EFCAB6: variants seen among roughly 807,000 people sequenced by gnomAD.
The protein encoded by EFCAB6 is EF-hand calcium binding domain 6.
EFCAB6 carries 156 observed loss-of-function variants against 169.8 expected under a neutral mutation model. The observed-to-expected ratio is 0.92, with a 90% confidence interval of 0.81 to 1.05. The LOEUF (loss-of-function observed/expected upper bound fraction) is 1.05. Ranked by LOEUF, EFCAB6 falls within the 50% of genes least tolerant of loss-of-function variation. The probability of loss-of-function intolerance (pLI) is 0.00; values close to 1 mark genes in which losing one functional copy is unlikely to be tolerated. For synonymous variants in EFCAB6, 698 were observed against 676.4 expected (o/e 1.03, Z -0.50); for missense variants, 1,800 against 1,829.1 (o/e 0.98, Z 0.29).
Position 43,617,389 on chromosome 22 carries a change from T to C in EFCAB6, c.2466-1467A>G, listed in dbSNP as rs1012493398. On this transcript the variant is annotated intron_variant, in intron 20 of 31. Transcript: ENST00000262726. Reference sequence around the variant, plus strand: ...AGCAAAGTCAGTAGATCCCAGTTGATCTCATGGTCTAAACACATATCCAAA... The same window carrying C: ...AGCAAAGTCAGTAGATCCCAGTTGACCTCATGGTCTAAACACATATCCAAA... 5.9e-5 allele frequency among the ~76,000 whole-genome samples: 9 copies of C among 152,208 alleles called. 1 individual carries two copies. Among genetic ancestry groups the C allele is most frequent in the African/African-American group, 2.2e-4 (9 of 41,464 alleles).
At chr22:43,802,536 A>C (rs2062762223) in intron 2 of EFCAB6, 2 of 349,078 alleles carry the variant, frequency 5.7e-6, no homozygotes, top group South Asian at 4.8e-5. Flanking sequence ...ATCTCAAAAA[A>C]AAAAAAAGAT....
intron 2 of EFCAB6, among the ~76,000 whole-genome samples, chr22:43,784,673 A>ATGTG (rs1490919924): frequency 2.7e-5 from 1 of 37,480 alleles, no homozygotes; most frequent in Non-Finnish European, 5.1e-5. Flanking sequence ...ACATATACAT[A>ATGTG]TATACACACA....
At chr22:43,768,830 A>G (rs1232496664) in intron 4 of EFCAB6, among the ~76,000 whole-genome samples, 1 of 152,216 alleles carries the variant, frequency 6.6e-6, no homozygotes, top group East Asian at 1.9e-4. Flanking sequence ...ACATTAGATC[A>G]TGACTATAAG....
At chr22:43,765,768 G>A (rs73888211) in intron 4 of EFCAB6, among the ~76,000 whole-genome samples, 5 of 152,060 alleles carry the variant, frequency 3.3e-5, no homozygotes, top group Non-Finnish European at 5.9e-5. Context: ...TGAGTGTCAC[G>A]TGAACTTTGT....
At chr22:43,778,118 A>G (rs2061696823) in intron 3 of EFCAB6, among the ~76,000 whole-genome samples, 1 of 152,224 alleles carries the variant, frequency 6.6e-6, no homozygotes, top group Non-Finnish European at 1.5e-5. Context: ...AAAAAGAATG[A>G]TAACTCCTTC....
At chr22:43,776,853 G>A (rs2061656862) in intron 3 of EFCAB6, among the ~76,000 whole-genome samples, 1 of 152,172 alleles carries the variant, frequency 6.6e-6, no homozygotes, top group Non-Finnish European at 1.5e-5. Flanking sequence ...TTTAGGGAGG[G>A]AAGCAATGTT....
At chr22:43,769,856 ATT>A (rs11394966) in intron 4 of EFCAB6, among the ~76,000 whole-genome samples, 12 of 143,600 alleles carry the variant, frequency 8.4e-5, no homozygotes, top group East Asian at 2.0e-4. Flanking sequence ...AGGTGAGCTA[ATT>A]TTTTTTTTTT....
At chr22:43,812,072 G>A (rs1240687378) in intron 1 of EFCAB6, 96 bp downstream of exon 1, 1 of 152,270 alleles carries the variant, frequency 6.6e-6, no homozygotes, top group East Asian at 1.9e-4. Flanking sequence ...CAGCAGCGCC[G>A]GCCTTCTCAG....
chr22:43,806,577 G>A (rs781190941), intron 2 of EFCAB6, among the ~76,000 whole-genome samples: 5 of 152,122 alleles, frequency 3.3e-5, no homozygotes, highest in African/African-American at 7.2e-5. Flanking sequence ...TGGGGTAGAA[G>A]GTCATTCATA....
chr22:43,707,205 A>G (rs2058990653), intron 10 of EFCAB6, among the ~76,000 whole-genome samples: 1 of 152,220 alleles, frequency 6.6e-6, no homozygotes, highest in Non-Finnish European at 1.5e-5. Flanking sequence ...AGTGAACCAA[A>G]ATCGATCCTA....
chr22:43,711,612 A>G lies in EFCAB6; in HGVS notation c.894T>C (p.Ser298=). The G allele has an allele frequency of 6.3e-7, 1 of 1,581,026 alleles. No individual in the cohort carries two copies. Among genetic ancestry groups the G allele is most frequent in the East Asian group, 2.3e-5 (1 of 43,700 alleles). Residue 298 remains serine, a synonymous_variant, in exon 10 of 32, where the codon TCT becomes TCC. Transcript: ENST00000262726. ...ERNFCLQLSK[S]YEKVEKALSA... The stretch of plus-strand genomic sequence containing the variant: ...TGAGGGCCTTTTCAACCTTTTCATA[A>G]GACTTCGAAAGCTGCAATAAATTGA...
chr22:43,598,043 G>T (rs1196553581), intron 23 of EFCAB6, among the ~76,000 whole-genome samples: 2 of 152,148 alleles, frequency 1.3e-5, no homozygotes, highest in Non-Finnish European at 2.9e-5. Context: ...TGGGCGCAGT[G>T]GCTCACGCCT....
chr22:43,794,685 C>G (rs1569493013), intron 2 of EFCAB6, among the ~76,000 whole-genome samples: 1 of 152,152 alleles, frequency 6.6e-6, no homozygotes, highest in Non-Finnish European at 1.5e-5. Context: ...TAAAAGCAAG[C>G]CATCTACATA....
chr22:43,533,310 T>A (rs915267649), intron 30 of EFCAB6: 3 of 152,220 alleles, frequency 2.0e-5, no homozygotes, highest in African/African-American at 7.2e-5. Context: ...AAGACCCTTT[T>A]AGTTCCAATG....
chr22:43,530,836 T>C lies in EFCAB6; in HGVS notation c.4362A>G (p.Leu1454=), dbSNP rs1393898554. The change falls in exon 31 of 32, where the codon CTA becomes CTG. Residue 1454 remains leucine (L), a synonymous_variant. Transcript: ENST00000262726. ...TCACCGTCCTGAAATCTGCGACGCTTAGCAGCCCTGTTCCAGCCTCATCAT... is the reference window on the plus strand; with the variant it reads ...TCACCGTCCTGAAATCTGCGACGCTCAGCAGCCCTGTTCCAGCCTCATCAT... ...KSYDEAGTGL[L]SVADFRTVLR... The C allele has an allele frequency of 6.2e-7, 1 of 1,614,002 alleles. No homozygotes were observed. Among genetic ancestry groups the C allele is most frequent in the Non-Finnish European group, 8.5e-7 (1 of 1,180,042 alleles).
intron 26 of EFCAB6, among the ~76,000 whole-genome samples, chr22:43,564,153 G>C (rs1367313019): frequency 6.6e-6 from 1 of 152,152 alleles, no homozygotes; most frequent in Non-Finnish European, 1.5e-5. Flanking sequence ...ATGCACTTTA[G>C]GAAGGAGCTG....
chr22:43,776,724 T>C (rs574235511), intron 3 of EFCAB6, among the ~76,000 whole-genome samples: 3 of 151,968 alleles, frequency 2.0e-5, no homozygotes, highest in Non-Finnish European at 4.4e-5. Context: ...ACATAGCAGG[T>C]AGGATGGAGA....
intron 4 of EFCAB6, among the ~76,000 whole-genome samples, chr22:43,770,716 T>C (rs2147961056): frequency 6.6e-6 from 1 of 152,166 alleles, no homozygotes; most frequent in Middle Eastern, 3.4e-3. Context: ...CTTTTTTTAA[T>C]GAACTGAGCC....
At position 43,784,541 on chromosome 22, in the gene EFCAB6, G is replaced by GTA. The variant is rs1357869252; in HGVS notation, c.-7-2217_-7-2216insTA. ...TGTGTGTGTGTGTGTGTGTGTGTGT[G>GTA]TGTATATGTATATATACACATATAT... On this transcript the variant is annotated intron_variant, in intron 2 of 31. Transcript: ENST00000262726. Among the ~76,000 whole-genome samples, 101 of 79,742 alleles carry GTA rather than the reference G, an allele frequency of 1.3e-3. 6 individuals are homozygous for GTA. The highest frequency in any genetic ancestry group is 5.6e-3 in the East Asian group (9 of 1,610). The allele number at this position is 79,742 out of a possible 152,430, so 52.3% of individuals were successfully genotyped here.
Sources: allele counts gnomAD v4.1 joint callset (sites outside exome capture counted in the v4.1 genomes callset), GRCh38; gene constraint gnomAD v4.1.1; transcripts MANE v1.5; gene names NCBI Gene and HGNC (gene_info 2026-07-23, HGNC 2026-07-21).